The following PDGFC variants were observed in gnomAD, a reference collection of about 807,000 sequenced individuals.
PDGFC encodes platelet-derived growth factor C.
In PDGFC, 12 loss-of-function variants were observed where a neutral mutation model predicts 35.5. That is an observed-to-expected ratio of 0.34 (90% CI 0.22 to 0.55). The LOEUF (loss-of-function observed/expected upper bound fraction) is 0.55. Among genes scored for constraint, PDGFC ranks in the 20% least tolerant of loss-of-function variants. The pLI is 0.91. For missense variants in PDGFC, 322 were observed against 412.4 expected, an observed-to-expected ratio of 0.78 and a Z score of 1.90; for synonymous variants, 159 against 148.8, an observed-to-expected ratio of 1.07 and a Z score of -0.50.
At chr4:156,811,190 G>A (rs917544979) in intron 2 of PDGFC, among the ~76,000 whole-genome samples, 173 bp from the exon 3 acceptor site, 21 of 151,980 alleles carry the variant, frequency 1.4e-4, no homozygotes, top group Non-Finnish European at 2.4e-4. Context: ...CTGAAAATGA[G>A]GGCCCAGTTG....
At position 156,882,038 on chromosome 4, in the gene PDGFC, C is replaced by T. The variant is rs571903740; in HGVS notation, c.119-31622G>A. ...TCAGCAGCATGAAAATGGACTAATACACTCCCTTTATTGACCACCTGTTTT... is the reference window on the plus strand; with the variant it reads ...TCAGCAGCATGAAAATGGACTAATATACTCCCTTTATTGACCACCTGTTTT... On this transcript the variant is annotated intron_variant, in intron 1 of 5. Transcript: ENST00000502773. 6.0e-4 allele frequency among the ~76,000 whole-genome samples: 91 copies of T among 152,086 alleles called. 2 individuals carry two copies. The South Asian group carries it at 0.017, about 28-fold the overall frequency.
chr4:156,938,326 G>A (rs766611165), intron 1 of PDGFC, among the ~76,000 whole-genome samples: 2 of 152,086 alleles, frequency 1.3e-5, no homozygotes, highest in African/African-American at 2.4e-5. Context: ...CAATCATAAC[G>A]TGCTGATTAA....
chr4:156,946,885 A>G lies in PDGFC; in HGVS notation c.118+23901T>C, dbSNP rs58213760. Among the ~76,000 whole-genome samples the G allele has an allele frequency of 5.6e-3, 850 of 152,116 alleles. 6 individuals carry two copies. The highest frequency in any genetic ancestry group is 0.016 in the African/African-American group (665 of 41,542). ...TTTCCAGACCAAAAGCAGTAAGAAG[A>G]CATCACCCAGTTTACTTAGGAATGC... On this transcript the variant is annotated intron_variant, in intron 1 of 5. Transcript: ENST00000502773.
intron 3 of PDGFC, among the ~76,000 whole-genome samples, chr4:156,796,070 T>G (rs1329327469): frequency 6.6e-6 from 1 of 152,188 alleles, no homozygotes; most frequent in Non-Finnish European, 1.5e-5. Context: ...CTTTAATCTA[T>G]GATAGATGTT....
intron 1 of PDGFC, among the ~76,000 whole-genome samples, chr4:156,921,742 T>C (rs954392904): frequency 3.9e-5 from 6 of 152,154 alleles, no homozygotes; most frequent in African/African-American, 9.7e-5. Flanking sequence ...CCCTCCATTG[T>C]ATAAACGAAG....
intron 1 of PDGFC, among the ~76,000 whole-genome samples, chr4:156,942,086 G>C (rs1283214024): frequency 6.6e-6 from 1 of 151,976 alleles, no homozygotes; most frequent in Non-Finnish European, 1.5e-5. Context: ...TGAGCACGTA[G>C]CCCTGTGGTC....
intron 3 of PDGFC, among the ~76,000 whole-genome samples, chr4:156,780,107 G>GTTTTTTTTTTTTTTTTTTTTT (rs35403686): frequency 8.0e-6 from 1 of 125,026 alleles, no homozygotes; most frequent in Non-Finnish European, 1.7e-5. Flanking sequence ...CAAAATTAAG[G>GTTTTTTTTTTTTTTTTTTTTT]TTTTTTTTTT....
intron 1 of PDGFC, among the ~76,000 whole-genome samples, chr4:156,864,518 A>G (rs1450421824): frequency 6.6e-6 from 1 of 152,216 alleles, no homozygotes; most frequent in Non-Finnish European, 1.5e-5. Context: ...AAACGTGTAT[A>G]CTAATCATTA....
At chr4:156,865,527 C>T (rs1441793363) in intron 1 of PDGFC, among the ~76,000 whole-genome samples, 2 of 152,038 alleles carry the variant, frequency 1.3e-5, no homozygotes, top group African/African-American at 4.8e-5. Flanking sequence ...AAGCTGTTAA[C>T]AATTTGGGGC....
intron 3 of PDGFC, among the ~76,000 whole-genome samples, chr4:156,782,972 C>T (rs879709262): frequency 3.3e-5 from 5 of 152,070 alleles, no homozygotes; most frequent in African/African-American, 7.2e-5. Context: ...ATGACTATAA[C>T]GGAAGTAAAA....
intron 2 of PDGFC, among the ~76,000 whole-genome samples, chr4:156,820,768 AT>A (rs1732230638): frequency 6.6e-6 from 1 of 152,216 alleles, no homozygotes; most frequent in Non-Finnish European, 1.5e-5. Flanking sequence ...ATATAATAAA[AT>A]CAACAACTTA....
chr4:156,864,802 CCT>C lies in PDGFC; in HGVS notation c.119-14388_119-14387del, dbSNP rs371920802. Reference sequence around the variant, plus strand: ...TGATTTGCTAAATAATGTCTATAATCCTCTGTTCCTTTATAATTGCTCCAATT... The same window carrying C: ...TGATTTGCTAAATAATGTCTATAATCCTGTTCCTTTATAATTGCTCCAATT... On this transcript the variant is annotated intron_variant, in intron 1 of 5. Transcript: ENST00000502773. 4.2e-3 allele frequency among the ~76,000 whole-genome samples: 641 copies of C among 152,144 alleles called. 5 individuals carry two copies. Among genetic ancestry groups the C allele is most frequent in the African/African-American group, 0.014 (594 of 41,524 alleles).
intron 1 of PDGFC, among the ~76,000 whole-genome samples, chr4:156,885,130 T>G (rs1164472236): frequency 6.7e-6 from 1 of 149,582 alleles, no homozygotes; most frequent in Non-Finnish European, 1.5e-5. Flanking sequence ...GGGAGAAAAA[T>G]ATACTTGTGC....
chr4:156,904,978 C>G (rs901049545), intron 1 of PDGFC, among the ~76,000 whole-genome samples: 1 of 152,074 alleles, frequency 6.6e-6, no homozygotes, highest in Non-Finnish European at 1.5e-5. Context: ...ACCTGGAGAT[C>G]ATCTCTTAAA....
intron 1 of PDGFC, among the ~76,000 whole-genome samples, chr4:156,853,676 C>A (rs1409200572): frequency 1.3e-5 from 2 of 152,072 alleles, no homozygotes; most frequent in African/African-American, 2.4e-5. Flanking sequence ...GAAAATAATG[C>A]TCGGCCCAGG....
At chr4:156,873,111 A>G (rs1730026339) in intron 1 of PDGFC, among the ~76,000 whole-genome samples, 1 of 152,240 alleles carries the variant, frequency 6.6e-6, no homozygotes, top group Admixed American at 6.5e-5. Context: ...CTACAGAGAA[A>G]GACCCTGTCT....
intron 1 of PDGFC, among the ~76,000 whole-genome samples, chr4:156,962,727 T>G (rs1323498345): frequency 6.6e-6 from 1 of 152,150 alleles, no homozygotes; most frequent in African/African-American, 2.4e-5. Flanking sequence ...CTACCAGCTG[T>G]GGGACCTTAG....
Position 156,770,414 on chromosome 4 carries a change from C to T in PDGFC, c.703+2272G>A, listed in dbSNP as rs367700688. The T allele has an allele frequency of 5.9e-5, 9 of 151,970 alleles. No individual in the cohort carries two copies. The South Asian group carries it at 8.3e-4, about 14-fold the overall frequency. 9.4% of individuals were successfully genotyped at this position (151,970 alleles called of 1,614,324 possible). On this transcript the variant is annotated intron_variant, in intron 4 of 5. Coordinates refer to ENST00000502773, the MANE Select transcript of PDGFC (RefSeq NM_016205.3). Reference sequence around the variant, plus strand: ...TGCTGCCTACTGCTAAGGCTTCAAACGCATATAAGCTTCATTAAGTTAAGT... The same window carrying T: ...TGCTGCCTACTGCTAAGGCTTCAAATGCATATAAGCTTCATTAAGTTAAGT...
At chr4:156,891,120 T>C (rs1730494108) in intron 1 of PDGFC, among the ~76,000 whole-genome samples, 1 of 151,722 alleles carries the variant, frequency 6.6e-6, no homozygotes, top group African/African-American at 2.4e-5. Flanking sequence ...CTAAACTAAA[T>C]ACTGTAGGCA....
Sources: allele counts gnomAD v4.1 joint callset (sites outside exome capture counted in the v4.1 genomes callset), GRCh38; gene constraint gnomAD v4.1.1; transcripts MANE v1.5; gene names NCBI Gene and HGNC (gene_info 2026-07-23, HGNC 2026-07-21).